The following KDM7A variants were observed in gnomAD, a reference collection of about 807,000 sequenced individuals.
KDM7A encodes the protein lysine demethylase 7A, also known as lysine-specific demethylase 7A.
KDM7A carries 28 observed loss-of-function variants against 114.8 expected under a neutral mutation model. That is an observed-to-expected ratio of 0.24 (90% confidence interval 0.18 to 0.33). The LOEUF is 0.33. Ranked by LOEUF, KDM7A falls within the 10% of genes least tolerant of loss-of-function variation. The pLI is 1.00. For synonymous variants in KDM7A, 423 were observed against 397.8 expected (o/e 1.06, Z -0.75); for missense variants, 942 against 1,142.5 (o/e 0.82, Z 2.53).
intron 1 of KDM7A, among the ~76,000 whole-genome samples, chr7:140,141,305 T>C (rs536343272): frequency 2.0e-5 from 3 of 152,160 alleles, no homozygotes; most frequent in South Asian, 4.2e-4. Context: ...TATGGAAATG[T>C]ACAGGGCCAA....
chr7:140,107,845 T>G (rs1818365544), intron 11 of KDM7A, among the ~76,000 whole-genome samples: 1 of 152,248 alleles, frequency 6.6e-6, no homozygotes. Context: ...GAAGTTCTCC[T>G]GGATAATATC....
chr7:140,141,763 G>A (rs964192358), intron 1 of KDM7A, among the ~76,000 whole-genome samples: 1 of 151,200 alleles, frequency 6.6e-6, no homozygotes, highest in African/African-American at 2.4e-5. Flanking sequence ...GCATGTTGGC[G>A]CATATCTGTA....
At chr7:140,132,875 A>C (rs901324292) in intron 3 of KDM7A, among the ~76,000 whole-genome samples, 4 of 152,218 alleles carry the variant, frequency 2.6e-5, no homozygotes, top group Admixed American at 2.6e-4. Flanking sequence ...ATTTAAATTT[A>C]AATTGTGCTT....
chr7:140,140,066 A>G (rs1794245500), intron 1 of KDM7A, among the ~76,000 whole-genome samples: 1 of 152,220 alleles, frequency 6.6e-6, no homozygotes, highest in South Asian at 2.1e-4. Flanking sequence ...CAAGAAATAA[A>G]TAAATCTAAT....
chr7:140,131,858 C>T (rs1321882469), intron 3 of KDM7A, among the ~76,000 whole-genome samples: 7 of 152,054 alleles, frequency 4.6e-5, no homozygotes, highest in Non-Finnish European at 7.4e-5. Flanking sequence ...TATATGGGGA[C>T]GGTTAAGCAA....
chr7:140,123,822 C>T (rs1818653909), intron 7 of KDM7A, among the ~76,000 whole-genome samples: 1 of 152,108 alleles, frequency 6.6e-6, no homozygotes, highest in African/African-American at 2.4e-5. Context: ...AGGCTCACGC[C>T]TGTAATCCCA....
chr7:140,090,080 A>C lies in KDM7A; in HGVS notation c.*1014T>G, dbSNP rs1437339022. The C allele has an allele frequency of 6.6e-6, 1 of 152,244 alleles. No homozygotes were observed. Among genetic ancestry groups the C allele is most frequent in the Non-Finnish European group, 1.5e-5 (1 of 68,038 alleles). The allele number at this position is 152,244 out of a possible 1,614,324, so 9.4% of individuals were successfully genotyped here. Reference sequence around the variant, plus strand: ...TTGTCCAACAGCAGCAGTACGAAGAAGGCCTGCTGTAGTTACAAATGTACT... The same window carrying C: ...TTGTCCAACAGCAGCAGTACGAAGACGGCCTGCTGTAGTTACAAATGTACT... On this transcript the variant is annotated 3_prime_UTR_variant, in exon 20 of 20. Coordinates refer to ENST00000397560, the MANE Select transcript of KDM7A (RefSeq NM_030647.2).
Position 140,097,630 on chromosome 7 carries a change from C to T in KDM7A, c.1931G>A (p.Arg644His), listed in dbSNP as rs541008381. The T allele has an allele frequency of 2.0e-5, 31 of 1,588,078 alleles. No homozygotes were observed. The highest frequency in any genetic ancestry group is 6.7e-5 in the Admixed American group (4 of 59,588). Residue 644 changes from arginine (R) to histidine (H), a missense_variant, in exon 15 of 20, where the codon CGT becomes CAT. Coordinates refer to ENST00000397560, the MANE Select transcript of KDM7A (RefSeq NM_030647.2). ...SQKPLNGFFT[R>H]VKSELRSRSS... ...TCTACTCCTGAGTTCTGATTTCACA[C>T]GTGTAAAAAACCCTGAAAAAGAATG...
At chr7:140,171,406 T>C (rs1242325774) in intron 1 of KDM7A, among the ~76,000 whole-genome samples, 1 of 150,708 alleles carries the variant, frequency 6.6e-6, no homozygotes, top group African/African-American at 2.4e-5. Flanking sequence ...GAGACAGAGG[T>C]TGCAGTGAGC....
chr7:140,117,101 T>A (rs1001196794), intron 9 of KDM7A, among the ~76,000 whole-genome samples: 1 of 152,244 alleles, frequency 6.6e-6, no homozygotes, highest in Non-Finnish European at 1.5e-5. Context: ...TAATGATCAA[T>A]TGGCTTTTGC....
intron 11 of KDM7A, among the ~76,000 whole-genome samples, chr7:140,108,236 A>T (rs1481848312): frequency 1.3e-5 from 2 of 152,018 alleles, no homozygotes; most frequent in African/African-American, 2.4e-5. Context: ...CCTTTAGCTC[A>T]GAGAAGTTTG....
In KDM7A at chr7:140,122,339, G is replaced by GAATGTCAATTTATGATTTGAAGAATCATA. The variant is rs540119945; in HGVS notation, c.1052-1839_1052-1811dup. Among the ~76,000 whole-genome samples, 599 of 151,988 alleles carry GAATGTCAATTTATGATTTGAAGAATCATA rather than the reference G, an allele frequency of 3.9e-3. 6 individuals carry two copies. The South Asian group carries it at 0.045, about 11-fold the overall frequency. The stretch of plus-strand genomic sequence containing the variant: ...AAATCAATTTAAAAAATTATTCTAT[G>GAATGTCAATTTATGATTTGAAGAATCATA]AATGTCAATTTATGATTTGAAGAAT... On this transcript the variant is annotated intron_variant, in intron 7 of 19. Coordinates refer to ENST00000397560, the MANE Select transcript of KDM7A (RefSeq NM_030647.2).
chr7:140,170,149 TAAG>T (rs1361266871), intron 1 of KDM7A, among the ~76,000 whole-genome samples: 4 of 152,134 alleles, frequency 2.6e-5, no homozygotes, highest in Non-Finnish European at 4.4e-5. Context: ...TAACCAATTT[TAAG>T]AAGTCAAAAT....
chr7:140,130,261 A>G (rs1818764057), intron 3 of KDM7A, among the ~76,000 whole-genome samples: 1 of 152,220 alleles, frequency 6.6e-6, no homozygotes, highest in Admixed American at 6.5e-5. Context: ...TAGAAACACC[A>G]GAAGCCACTT....
intron 1 of KDM7A, among the ~76,000 whole-genome samples, chr7:140,175,197 G>C (rs1448038193): frequency 2.0e-5 from 3 of 152,192 alleles, no homozygotes; most frequent in Non-Finnish European, 4.4e-5. Flanking sequence ...GAATCGGCTA[G>C]CCTGAAAACT....
At chr7:140,100,751 T>TATATATATATA (rs1818210655) in intron 12 of KDM7A, among the ~76,000 whole-genome samples, 1 of 56,530 alleles carries the variant, frequency 1.8e-5, no homozygotes, top group Non-Finnish European at 3.0e-5. Context: ...TACATATATA[T>TATATATATATA]TTTTTTGTTT....
chr7:140,097,517 C>T (rs763661820), intron 15 of KDM7A, 28 bp downstream of exon 15: 13 of 1,199,316 alleles, frequency 1.1e-5, no homozygotes, highest in South Asian at 5.2e-5. Flanking sequence ...CATCAAATAA[C>T]GTACAAGCCA....
At chr7:140,133,726 T>C in intron 2 of KDM7A, 70 bp from the exon 3 acceptor site, 1 of 805,410 alleles carries the variant, frequency 1.2e-6, no homozygotes, top group Non-Finnish European at 2.1e-6. Flanking sequence ...CTAATCATTA[T>C]ATCCGACATA....
intron 1 of KDM7A, among the ~76,000 whole-genome samples, chr7:140,163,425 C>T (rs1794541808): frequency 6.6e-6 from 1 of 152,158 alleles, no homozygotes; most frequent in Non-Finnish European, 1.5e-5. Context: ...GCTAGGACTA[C>T]AGGCACATGC....
Sources: gnomAD v4.1 joint callset for allele counts (sites outside exome capture counted in the v4.1 genomes callset) on GRCh38, gnomAD v4.1.1 for gene constraint, MANE v1.5 for transcripts, NCBI Gene and HGNC (gene_info 2026-07-23, HGNC 2026-07-21) for gene names.